EIF3L: variants seen among roughly 807,000 people sequenced by gnomAD.
EIF3L encodes the protein eIEF associated protein HSPC021.
Under a neutral mutation model 74.6 loss-of-function variants are expected in EIF3L, and 32 were observed. The ratio of observed to expected loss-of-function variants is 0.43; its 90% CI spans 0.32 to 0.58. EIF3L has a LOEUF of 0.58. EIF3L is among the 20% of genes least tolerant of loss of function. EIF3L has a pLI of 0.06. For synonymous variants in EIF3L, 256 were observed against 254.4 expected (o/e 1.01, Z -0.06); for missense variants, 474 against 707.8 (o/e 0.67, Z 3.75).
chr22:37,867,065 C>G (rs1416763740), intron 7 of EIF3L, among the ~76,000 whole-genome samples: 3 of 152,082 alleles, frequency 2.0e-5, no homozygotes, highest in Non-Finnish European at 2.9e-5. Flanking sequence ...AGATGGGGGT[C>G]TTGCCTTTAT....
chr22:37,861,096 A>G (rs1025816834), intron 5 of EIF3L, among the ~76,000 whole-genome samples: 1 of 152,138 alleles, frequency 6.6e-6, no homozygotes, highest in Non-Finnish European at 1.5e-5. Context: ...TCACCAATAT[A>G]ATCCAGTGCC....
Position 37,876,030 on chromosome 22 carries a change from G to A in EIF3L, c.1077+19G>A, listed in dbSNP as rs1193469405. 1.9e-6 allele frequency: 3 copies of A among 1,602,844 alleles called. No individual in the cohort carries two copies. The East Asian group carries it at 6.7e-5, about 36-fold the overall frequency. ...TGAGATGGTAAGGGGGACTCTGCCTGCCACCAGTGGCCTTTCTAATCAGGG... is the reference window on the plus strand; with the variant it reads ...TGAGATGGTAAGGGGGACTCTGCCTACCACCAGTGGCCTTTCTAATCAGGG... On this transcript the variant is annotated intron_variant, in intron 10 of 12. Coordinates refer to ENST00000652021, the MANE Select transcript of EIF3L (RefSeq NM_016091.4).
chr22:37,850,984 C>T (rs1396930006), intron 2 of EIF3L, among the ~76,000 whole-genome samples: 3 of 152,188 alleles, frequency 2.0e-5, no homozygotes, highest in Non-Finnish European at 2.9e-5. Context: ...CCAACGCACA[C>T]TTTTCTAGGC....
chr22:37,883,554 C>T (rs1194151609), intron 11 of EIF3L: 1 of 151,468 alleles, frequency 6.6e-6, no homozygotes. Flanking sequence ...GCACTCCAGC[C>T]TGGGCGACAG....
At position 37,870,205 on chromosome 22, in the gene EIF3L, G is replaced by A; in HGVS notation, c.609G>A (p.Lys203=). ...AGTCATTCAGTCAGTACCGCTGTAA[G>A]ACTGCCAAGAAGTCAGAGGAGGAGA... ...QFQSFSQYRC[K]TAKKSEEEID... Residue 203 remains lysine (K), a synonymous_variant, in exon 8 of 13, where the codon AAG becomes AAA. Coordinates refer to ENST00000652021, the MANE Select transcript of EIF3L (RefSeq NM_016091.4). The A allele has an allele frequency of 1.2e-6, 2 of 1,612,918 alleles. No individual in the cohort carries two copies. The highest frequency in any genetic ancestry group is 1.7e-6 in the Non-Finnish European group (2 of 1,179,370).
chr22:37,854,724 C>T (rs976121288), intron 3 of EIF3L, among the ~76,000 whole-genome samples: 2 of 152,200 alleles, frequency 1.3e-5, no homozygotes, highest in African/African-American at 4.8e-5. Context: ...GCCTCAGCCT[C>T]CCAAAGTGTT....
chr22:37,886,193 C>CA (rs1346549876), intron 11 of EIF3L: 232 of 53,152 alleles, frequency 4.4e-3, no homozygotes, highest in African/African-American at 9.3e-3. Flanking sequence ...GACTCCATCT[C>CA]AAAAAAAAAA....
chr22:37,850,733 A>C (rs1925158161), intron 2 of EIF3L, among the ~76,000 whole-genome samples: 1 of 152,364 alleles, frequency 6.6e-6, no homozygotes, highest in East Asian at 1.9e-4. Context: ...CTGAAACGTT[A>C]TAGTGACTTG....
At chr22:37,874,868 A>G (rs897025763) in intron 9 of EIF3L, among the ~76,000 whole-genome samples, 7 of 149,426 alleles carry the variant, frequency 4.7e-5, no homozygotes, top group African/African-American at 1.7e-4. Flanking sequence ...AGCTGGGACT[A>G]CAGGCATGCG....
intron 11 of EIF3L, chr22:37,880,238 G>C (rs565563832): frequency 6.6e-6 from 1 of 150,836 alleles, no homozygotes; most frequent in South Asian, 2.1e-4. Flanking sequence ...TCAGCCTCCC[G>C]AGTAGCTGGG....
chr22:37,888,438 C>T lies in EIF3L; in HGVS notation c.1669C>T (p.Leu557=), dbSNP rs754298527. The change falls in exon 13 of 13, where the codon CTG becomes TTG. Residue 557 remains leucine, a synonymous_variant. Transcript: ENST00000652021. ...CTTTCTCTTCTAGCTTAATCGAACCCTGAAGAAGATGGGACAGAGACCTTG... is the reference window on the plus strand; with the variant it reads ...CTTTCTCTTCTAGCTTAATCGAACCTTGAAGAAGATGGGACAGAGACCTTG... ...IHKFEELNRT[L]KKMGQRP The T allele has an allele frequency of 1.2e-6, 2 of 1,613,988 alleles. No individual in the cohort carries two copies. Among genetic ancestry groups the T allele is most frequent in the East Asian group, 4.5e-5 (2 of 44,880 alleles).
chr22:37,858,730 C>G lies in EIF3L; in HGVS notation c.425C>G (p.Ala142Gly). The stretch of plus-strand genomic sequence containing the variant: ...GAATTATACTACAGGCACATATATG[C>G]CAAAGTCAGTGTAAGTATTTAAGTG... ...YKELYYRHIYAKVSGGPSLEQ... is the reference protein window; with the variant it reads ...YKELYYRHIYGKVSGGPSLEQ... The change falls in exon 5 of 13, where the codon GCC (alanine) becomes GGC (glycine). Residue 142 changes from alanine (A) to glycine (G), a missense_variant. Transcript: ENST00000652021. 3 of 1,603,250 alleles carry G rather than the reference C, an allele frequency of 1.9e-6. No homozygotes were observed. Among genetic ancestry groups the G allele is most frequent in the Non-Finnish European group, 2.5e-6 (3 of 1,176,996 alleles).
Position 37,874,633 on chromosome 22 carries a change from C to A in EIF3L, c.906+109C>A, listed in dbSNP as rs191844723. 2.8e-5 allele frequency: 36 copies of A among 1,280,784 alleles called. 1 individual carries two copies. The Admixed American group carries it at 8.4e-4, about 30-fold the overall frequency. The allele number at this position is 1,280,784 out of a possible 1,614,324, so 79.3% of individuals were successfully genotyped here. On this transcript the variant is annotated intron_variant, in intron 9 of 12. Transcript: ENST00000652021. ...TCCAGGAGAGGAAAGAGGACTGTTC[C>A]CTCAGGCCATTGAAAGTTGAGACTA...
At chr22:37,867,504 C>T (rs1569116840) in intron 7 of EIF3L, among the ~76,000 whole-genome samples, 1 of 151,392 alleles carries the variant, frequency 6.6e-6, no homozygotes, top group African/African-American at 2.4e-5. Context: ...ACTAAAAATA[C>T]AAAAATTACC....
chr22:37,868,610 C>CTGT (rs1601769170), intron 7 of EIF3L, among the ~76,000 whole-genome samples: 5 of 116,726 alleles, frequency 4.3e-5, no homozygotes, highest in Admixed American at 1.9e-4. Context: ...TGTGCCACCA[C>CTGT]ACCTGGCTAT....
chr22:37,850,586 G>A (rs534002369), intron 2 of EIF3L: 18 of 175,386 alleles, frequency 1.0e-4, no homozygotes, highest in South Asian at 1.9e-4. Flanking sequence ...TGATCCACCC[G>A]CCCCAACCTC....
intron 4 of EIF3L, among the ~76,000 whole-genome samples, chr22:37,856,676 C>G (rs1925527035): frequency 6.6e-6 from 1 of 151,964 alleles, no homozygotes; most frequent in African/African-American, 2.4e-5. Flanking sequence ...GAAACCCCAT[C>G]TCTACTAAAA....
Position 37,849,890 on chromosome 22 carries a change from A to G in EIF3L, c.34-125A>G, listed in dbSNP as rs923560926. On this transcript the variant is annotated intron_variant, in intron 1 of 12. Coordinates refer to ENST00000652021, the MANE Select transcript of EIF3L (RefSeq NM_016091.4). The stretch of plus-strand genomic sequence containing the variant: ...TTCTCTAAGGCGTGTGAGTTCCTCA[A>G]AGGCAGGCACAGTGTCTTATTCGCC... 20 of 1,022,076 alleles carry G rather than the reference A, an allele frequency of 2.0e-5. No individual in the cohort carries two copies. In the African/African-American group the frequency reaches 3.0e-4, roughly 15 times the overall value. 63.3% of individuals were successfully genotyped at this position (1,022,076 alleles called of 1,614,324 possible).
chr22:37,875,914 G>A lies in EIF3L; in HGVS notation c.980G>A (p.Arg327His), dbSNP rs376536658. The A allele has an allele frequency of 3.7e-6, 6 of 1,614,042 alleles. No individual in the cohort carries two copies. The highest frequency in any genetic ancestry group is 1.6e-4 in the Middle Eastern group (1 of 6,062). Residue 327 changes from arginine (R) to histidine (H), a missense_variant, in exon 10 of 13, where the codon CGT becomes CAT. By Grantham distance (29) the Arg-to-His change is conservative (BLOSUM62 0). Around this residue, in one of 4 missense-constraint regions of EIF3L, gnomAD observed 293 missense variants for 469.1 expected, o/e 0.62. Transcript: ENST00000652021. ...GTTGGGTTTGCATATTTGATGATGCGTCGTTACCAGGATGCCATCCGGGTC... is the reference window on the plus strand; with the variant it reads ...GTTGGGTTTGCATATTTGATGATGCATCGTTACCAGGATGCCATCCGGGTC... ...YYVGFAYLMMRRYQDAIRVFA... is the reference protein window; with the variant it reads ...YYVGFAYLMMHRYQDAIRVFA...
Sources: allele counts gnomAD v4.1 joint callset (sites outside exome capture counted in the v4.1 genomes callset), GRCh38; gene constraint gnomAD v4.1.1; regional missense constraint gnomAD v4.1.1; transcripts MANE v1.5; gene names NCBI Gene and HGNC (gene_info 2026-07-23, HGNC 2026-07-21).